The following SCN9A variants were observed in gnomAD, a reference collection of about 807,000 sequenced individuals.
The protein encoded by SCN9A is sodium channel protein type 9 subunit alpha.
In SCN9A, 131 loss-of-function variants were observed where a neutral mutation model predicts 187.0. The ratio of observed to expected loss-of-function variants is 0.70; its 90% CI spans 0.61 to 0.81. SCN9A has a LOEUF of 0.81. Among genes scored for constraint, SCN9A ranks in the 30% least tolerant of loss-of-function variants. SCN9A has a pLI of 0.00. For missense variants in SCN9A, 2,252 were observed against 2,396.6 expected, an observed-to-expected ratio of 0.94 and a Z score of 1.26; for synonymous variants, 809 against 808.6, an observed-to-expected ratio of 1.00 and a Z score of -0.01.
chr2:166,325,401 C>T (rs1699338715), intron 1 of SCN9A, among the ~76,000 whole-genome samples: 2 of 151,968 alleles, frequency 1.3e-5, no homozygotes, highest in East Asian at 3.9e-4. Flanking sequence ...AGTAATCATG[C>T]CTGGGAGGAT....
intron 1 of SCN9A, among the ~76,000 whole-genome samples, chr2:166,320,771 A>T (rs1283349440): frequency 1.3e-5 from 2 of 152,232 alleles, no homozygotes; most frequent in Non-Finnish European, 2.9e-5. Flanking sequence ...CTACTGTTTT[A>T]AAATCCCTTT....
intron 1 of SCN9A, among the ~76,000 whole-genome samples, chr2:166,346,196 C>T (rs747176695): frequency 6.6e-6 from 1 of 152,110 alleles, no homozygotes; most frequent in Non-Finnish European, 1.5e-5. Context: ...TTTCCCCTGC[C>T]TTAATCAATT....
intron 1 of SCN9A, among the ~76,000 whole-genome samples, chr2:166,323,701 T>G (rs1472419210): frequency 6.6e-6 from 1 of 152,102 alleles, no homozygotes; most frequent in East Asian, 1.9e-4. Context: ...GGGCACCAAT[T>G]CTATTGTGGC....
intron 7 of SCN9A, chr2:166,301,137 C>G (rs377067681): frequency 7.9e-6 from 1 of 126,678 alleles, no homozygotes; most frequent in Non-Finnish European, 1.6e-5. Context: ...TATTTTTTAG[C>G]AAAAAAAAAA....
chr2:166,270,734 C>T (rs2106457123), intron 17 of SCN9A, among the ~76,000 whole-genome samples: 1 of 149,830 alleles, frequency 6.7e-6, no homozygotes, highest in South Asian at 2.1e-4. Context: ...AAGTGATTCT[C>T]ATGCCTCAGC....
At position 166,307,181 on chromosome 2, in the gene SCN9A, A is replaced by G. The variant is rs535980549; in HGVS notation, c.259-107T>C. ...CATGGCAGTGTTATATTGAAGAAACACTGCCATCAGACTCCAGCAATGTGG... is the reference window on the plus strand; with the variant it reads ...CATGGCAGTGTTATATTGAAGAAACGCTGCCATCAGACTCCAGCAATGTGG... On this transcript the variant is annotated intron_variant, in intron 2 of 26. Coordinates refer to ENST00000642356, the MANE Select transcript of SCN9A (RefSeq NM_001365536.1). 24 of 635,966 alleles carry G rather than the reference A, an allele frequency of 3.8e-5. No individual in the cohort carries two copies. In the South Asian group the frequency reaches 4.9e-4, roughly 13 times the overall value. The allele number at this position is 635,966 out of a possible 1,614,324, so 39.4% of individuals were successfully genotyped here. A position where few individuals can be genotyped will look rare whatever the true frequency, so the allele number is the denominator to read the frequency against.
chr2:166,214,861 G>A (rs908353466), intron 24 of SCN9A, among the ~76,000 whole-genome samples: 18 of 151,450 alleles, frequency 1.2e-4, no homozygotes, highest in African/African-American at 3.6e-4. Flanking sequence ...ACCAAGAACA[G>A]GAAGGTGGCT....
At chr2:166,244,496 T>C (rs781575164) in intron 18 of SCN9A, among the ~76,000 whole-genome samples, 1 of 152,078 alleles carries the variant, frequency 6.6e-6, no homozygotes, top group African/African-American at 2.4e-5. Flanking sequence ...GGAAAGGTAA[T>C]AAATACTAAG....
intron 15 of SCN9A, 100 bp downstream of exon 15, chr2:166,278,040 G>A: frequency 1.2e-6 from 1 of 865,578 alleles, no homozygotes; most frequent in Non-Finnish European, 1.8e-6. Flanking sequence ...ATATAATCTT[G>A]CCTTTTGATT....
chr2:166,224,087 G>A (rs977880001), intron 24 of SCN9A, among the ~76,000 whole-genome samples: 6 of 152,098 alleles, frequency 3.9e-5, no homozygotes, highest in Non-Finnish European at 5.9e-5. Flanking sequence ...AATGTTGTAA[G>A]AATAACATTA....
chr2:166,212,724 A>G (rs1280886804), intron 24 of SCN9A, among the ~76,000 whole-genome samples: 1 of 152,218 alleles, frequency 6.6e-6, no homozygotes, highest in Non-Finnish European at 1.5e-5. Flanking sequence ...AGGATAGATC[A>G]CATATCAGGT....
intron 8 of SCN9A, 27 bp from the exon 9 acceptor site, chr2:166,293,399 TGA>T: frequency 1.9e-6 from 3 of 1,568,212 alleles, no homozygotes; most frequent in Non-Finnish European, 2.6e-6. Context: ...ACATTATAGG[TGA>T]GAGTGTCTTC....
intron 1 of SCN9A, among the ~76,000 whole-genome samples, chr2:166,374,871 A>T (rs1232885232): frequency 6.6e-6 from 1 of 151,986 alleles, no homozygotes; most frequent in Non-Finnish European, 1.5e-5. Flanking sequence ...TTCTCATGTA[A>T]ATTGCTCTTA....
intron 4 of SCN9A, 104 bp downstream of exon 4, chr2:166,306,406 T>C (rs138051487): frequency 3.0e-4 from 216 of 730,666 alleles, no homozygotes; most frequent in Admixed American, 5.6e-4. Context: ...CATGGGAAGG[T>C]AAAGATTCCC....
chr2:166,219,247 A>G (rs887096507), intron 24 of SCN9A, among the ~76,000 whole-genome samples: 1 of 152,198 alleles, frequency 6.6e-6, no homozygotes, highest in Non-Finnish European at 1.5e-5. Flanking sequence ...ACATTTTTCT[A>G]TTATAAAGAC....
chr2:166,222,942 CAACAAAAAAAAAAA>C (rs1694664943), intron 24 of SCN9A, among the ~76,000 whole-genome samples: 1 of 55,294 alleles, frequency 1.8e-5, no homozygotes, highest in East Asian at 5.0e-4. Context: ...AAAAAAAAAA[CAACAAAAAAAAAAA>C]AAAAAAAAAA....
At position 166,289,602 on chromosome 2, in the gene SCN9A, G is replaced by C. The variant is rs1159210602; in HGVS notation, c.1108-959C>G. On this transcript the variant is annotated intron_variant, in intron 9 of 26. Transcript: ENST00000642356. ...CTATCATTGATGGGCATTTGGGTTG[G>C]TTCCCAGTCTTTGCTATTGTGAATA... Among the ~76,000 whole-genome samples the C allele has an allele frequency of 2.0e-5, 3 of 152,012 alleles. No individual in the cohort carries two copies. In the East Asian group the frequency reaches 5.8e-4, roughly 29 times the overall value.
chr2:166,339,362 G>A (rs1042332440), intron 1 of SCN9A, among the ~76,000 whole-genome samples: 1 of 152,094 alleles, frequency 6.6e-6, no homozygotes, highest in Admixed American at 6.6e-5. Flanking sequence ...TTCACATGTA[G>A]TGGCCTTTTA....
intron 21 of SCN9A, among the ~76,000 whole-genome samples, chr2:166,229,782 C>A (rs116663070): frequency 0.021 from 3,158 of 152,182 alleles, 120 homozygotes; most frequent in African/African-American, 0.073. Flanking sequence ...TATTGATCAC[C>A]AGTTTGTCTT....
Sources: gnomAD v4.1 joint callset for allele counts (sites outside exome capture counted in the v4.1 genomes callset) on GRCh38, gnomAD v4.1.1 for gene constraint, MANE v1.5 for transcripts, NCBI Gene and HGNC (gene_info 2026-07-23, HGNC 2026-07-21) for gene names.